The following JADE1 variants were observed in gnomAD, a reference collection of about 807,000 sequenced individuals.
JADE1 encodes the protein jade family PHD finger 1.
A neutral mutation model predicts 81.8 loss-of-function variants in JADE1; 14 were observed. That is an observed-to-expected ratio of 0.17 (90% CI 0.11 to 0.27). The LOEUF is 0.27. Among genes scored for constraint, JADE1 ranks in the 10% least tolerant of loss-of-function variants. The pLI, the probability that JADE1 is intolerant of heterozygous loss-of-function variation, is 1.00. For synonymous variants in JADE1, 353 were observed against 391.9 expected, an observed-to-expected ratio of 0.90 and a Z score of 1.17; for missense variants, 690 against 1,047.9, an observed-to-expected ratio of 0.66 and a Z score of 4.71.
Position 128,843,005 on chromosome 4 carries a change from C to T in JADE1, c.105C>T (p.Ser35=), listed in dbSNP as rs200471144. ...CCCGATCCCAGCATAGGAGAAGCTC[C>T]TGCTCCAGACATGAAGATCGAAAGC... ...QNSRSQHRRS[S]CSRHEDRKPS... is the part of the protein sequence containing the mutation. The change falls in exon 3 of 11, where the codon TCC becomes TCT. Residue 35 remains serine (S), a synonymous_variant. Coordinates refer to ENST00000226319, the MANE Select transcript of JADE1 (RefSeq NM_199320.4). 1.1e-4 allele frequency: 172 copies of T among 1,613,958 alleles called. No homozygotes were observed. The highest frequency in any genetic ancestry group is 1.3e-4 in the Non-Finnish European group (153 of 1,179,926).
intron 1 of JADE1, among the ~76,000 whole-genome samples, chr4:128,827,456 A>G (rs185125975): frequency 1.3e-5 from 2 of 152,356 alleles, no homozygotes; most frequent in Admixed American, 1.3e-4. Context: ...GCATTAGCAG[A>G]GAATGAGAAC....
Position 128,863,180 on chromosome 4 carries a change from C to T in JADE1, c.1503+955C>T, listed in dbSNP as rs1280156800. ...CTGGAGTCCCGTCTGGACGTCCCTT[C>T]CTGCTACAGGAATAATGAGGCGTGG... On this transcript the variant is annotated intron_variant, in intron 9 of 10. Coordinates refer to ENST00000226319, the MANE Select transcript of JADE1 (RefSeq NM_199320.4). 4 of 985,538 alleles carry T rather than the reference C, an allele frequency of 4.1e-6. No individual in the cohort carries two copies. In the East Asian group the frequency reaches 3.4e-4, roughly 84 times the overall value. 61.0% of individuals were successfully genotyped at this position (985,538 alleles called of 1,614,324 possible). A position where few individuals can be genotyped will look rare whatever the true frequency, so the allele number is the denominator to read the frequency against.
chr4:128,834,751 G>T (rs541171954), intron 2 of JADE1, among the ~76,000 whole-genome samples: 90 of 152,052 alleles, frequency 5.9e-4, no homozygotes, highest in Non-Finnish European at 1.1e-3. Flanking sequence ...AGCCAGGATG[G>T]TCTTGATCTC....
In JADE1 at chr4:128,846,380, T is replaced by C. The variant is rs761933433; in HGVS notation, c.144T>C (p.Phe48=). The C allele has an allele frequency of 3.7e-6, 6 of 1,613,824 alleles. 1 individual carries two copies. The South Asian group carries it at 4.4e-5, about 12-fold the overall frequency. Residue 48 remains phenylalanine, a synonymous_variant, in exon 4 of 11, where the codon TTT becomes TTC. Transcript: ENST00000226319. This position sits in a 1 kb window ranked among gnomAD's most constrained non-coding sequence, Gnocchi z 4.0. ...RHEDRKPSEV[F]RTDLITAMKL... ...CCCTTTCTCTTCCTTTCCAGGTGTT[T>C]AGGACAGACCTGATCACTGCCATGA...
intron 1 of JADE1, among the ~76,000 whole-genome samples, chr4:128,813,727 C>G (rs938015267): frequency 6.6e-6 from 1 of 151,950 alleles, no homozygotes; most frequent in Admixed American, 6.6e-5. Context: ...AGCCTGCTTA[C>G]GGTCACTTGT....
intron 1 of JADE1, among the ~76,000 whole-genome samples, chr4:128,824,024 A>T (rs1157230282): frequency 6.6e-6 from 1 of 152,230 alleles, no homozygotes; most frequent in Non-Finnish European, 1.5e-5. Flanking sequence ...TATTAAGAAT[A>T]TAATGTATCT....
intron 5 of JADE1, among the ~76,000 whole-genome samples, chr4:128,849,995 T>C (rs1730209592): frequency 6.6e-6 from 1 of 151,986 alleles, no homozygotes; most frequent in African/African-American, 2.4e-5. Flanking sequence ...TAGGACATAG[T>C]AAATAATCAC....
Position 128,872,148 on chromosome 4 carries a change from C to A in JADE1, c.2415C>A (p.Pro805=), listed in dbSNP as rs560801983. 1.8e-4 allele frequency: 285 copies of A among 1,614,114 alleles called. No individual in the cohort carries two copies. In the Admixed American group the frequency reaches 4.4e-3, roughly 25 times the overall value. The change falls in exon 11 of 11, where the codon CCC becomes CCA. Residue 805 remains proline (P), a synonymous_variant. Coordinates refer to ENST00000226319, the MANE Select transcript of JADE1 (RefSeq NM_199320.4). Reference sequence around the variant, plus strand: ...ACAATGAGAATGACGGGTATGTCCCCGATGTGGAAATGAGTGACTCAGAGA... The same window carrying A: ...ACAATGAGAATGACGGGTATGTCCCAGATGTGGAAATGAGTGACTCAGAGA... ...KSDNENDGYV[P]DVEMSDSESE... is the part of the protein sequence containing the mutation.
At chr4:128,822,063 A>G (rs1270626718) in intron 1 of JADE1, among the ~76,000 whole-genome samples, 1 of 152,158 alleles carries the variant, frequency 6.6e-6, no homozygotes, top group Non-Finnish European at 1.5e-5. Context: ...AAGCAAGACA[A>G]TTCTTTGATA....
At chr4:128,831,499 T>C in intron 1 of JADE1, 1 of 520,416 alleles carries the variant, frequency 1.9e-6, no homozygotes, top group Admixed American at 3.5e-5. Context: ...CTGGCATCTT[T>C]GGGAGACCTA....
intron 5 of JADE1, among the ~76,000 whole-genome samples, chr4:128,850,893 C>T (rs1219955355): frequency 1.3e-5 from 2 of 152,102 alleles, no homozygotes; most frequent in Non-Finnish European, 2.9e-5. Flanking sequence ...ATAAACGGAA[C>T]GCATGCTTAA....
chr4:128,824,313 C>A (rs1727848655), intron 1 of JADE1, among the ~76,000 whole-genome samples: 1 of 151,942 alleles, frequency 6.6e-6, no homozygotes, highest in African/African-American at 2.4e-5. Flanking sequence ...CGCCTGTAGT[C>A]CCAGGCTGAG....
At chr4:128,811,667 G>T (rs1360696141) in intron 1 of JADE1, among the ~76,000 whole-genome samples, 1 of 146,454 alleles carries the variant, frequency 6.8e-6, no homozygotes, top group African/African-American at 2.5e-5. Context: ...GGGACGCCCG[G>T]CCCGCCGCGC....
intron 1 of JADE1, among the ~76,000 whole-genome samples, chr4:128,813,051 T>TA (rs1418101530): frequency 2.0e-5 from 3 of 152,240 alleles, no homozygotes; most frequent in Non-Finnish European, 4.4e-5. Context: ...TCAAGGCTAA[T>TA]ACCTTTCAAA....
At chr4:128,850,177 C>T (rs1730227763) in intron 5 of JADE1, among the ~76,000 whole-genome samples, 1 of 151,204 alleles carries the variant, frequency 6.6e-6, no homozygotes, top group African/African-American at 2.4e-5. Context: ...ATCTGTGGTC[C>T]CAGCCACTCA....
chr4:128,859,324 A>G (rs1197285656), intron 8 of JADE1, among the ~76,000 whole-genome samples: 4 of 151,136 alleles, frequency 2.6e-5, no homozygotes, highest in Non-Finnish European at 4.4e-5. Flanking sequence ...GGTTATGCAT[A>G]TGTATGCTGT....
chr4:128,838,243 C>T (rs1027426338), intron 2 of JADE1, among the ~76,000 whole-genome samples: 3 of 152,088 alleles, frequency 2.0e-5, no homozygotes, highest in African/African-American at 7.2e-5. Flanking sequence ...AATGTTTTTC[C>T]CCACTCAGTC....
intron 6 of JADE1, among the ~76,000 whole-genome samples, chr4:128,855,300 G>A (rs940845957): frequency 2.0e-5 from 3 of 152,150 alleles, no homozygotes; most frequent in African/African-American, 7.2e-5. Flanking sequence ...GGTATGGATG[G>A]GTTTCTGCGG....
chr4:128,837,036 A>G (rs779412021), intron 2 of JADE1, among the ~76,000 whole-genome samples: 5 of 152,218 alleles, frequency 3.3e-5, no homozygotes, highest in Non-Finnish European at 5.9e-5. Context: ...CATACTGTTA[A>G]GATTTTCCTA....
Sources: allele counts gnomAD v4.1 joint callset (sites outside exome capture counted in the v4.1 genomes callset), GRCh38; gene constraint gnomAD v4.1.1; non-coding constraint Gnocchi (gnomAD v3.1); transcripts MANE v1.5; gene names NCBI Gene and HGNC (gene_info 2026-07-23, HGNC 2026-07-21).